MAGI2: variants seen among roughly 807,000 people sequenced by gnomAD.
MAGI2 encodes membrane-associated guanylate kinase, WW and PDZ domain-containing protein 2.
A neutral mutation model predicts 133.3 loss-of-function variants in MAGI2; 35 were observed. The observed-to-expected ratio is 0.26, with a 90% CI of 0.20 to 0.35. The LOEUF is 0.35. Ranked by LOEUF, MAGI2 falls within the 10% of genes least tolerant of loss-of-function variation. The probability of loss-of-function intolerance (pLI) is 1.00; values close to 1 mark genes in which losing one functional copy is unlikely to be tolerated. For synonymous variants in MAGI2, 729 were observed against 710.6 expected (o/e 1.03, Z -0.41); for missense variants, 1,636 against 1,863.4 (o/e 0.88, Z 2.25).
intron 1 of MAGI2, among the ~76,000 whole-genome samples, chr7:79,085,780 G>A (rs374083547): frequency 3.3e-5 from 5 of 151,710 alleles, no homozygotes; most frequent in Middle Eastern, 3.2e-3. Flanking sequence ...CCTAATTGTC[G>A]GCCAATGCTT....
rs146055351 is a variant in MAGI2, at chr7:79,431,441, A to G, written c.301+21579T>C. ...AAAATAATATTTGTTCTAAAAATTC[A>G]AAAAGCACAGAAACATTGTTAGGGG... On this transcript the variant is annotated intron_variant, in intron 1 of 21. Transcript: ENST00000354212. Among the ~76,000 whole-genome samples, 481 of 152,318 alleles carry G rather than the reference A, an allele frequency of 3.2e-3. 4 individuals carry two copies. The highest frequency in any genetic ancestry group is 0.01 in the African/African-American group (431 of 41,588).
intron 3 of MAGI2, among the ~76,000 whole-genome samples, chr7:78,536,010 C>T (rs890901848): frequency 1.3e-5 from 2 of 149,560 alleles, no homozygotes; most frequent in African/African-American, 4.9e-5. Flanking sequence ...CCAAATTATT[C>T]TTAAAAACCC....
intron 6 of MAGI2, among the ~76,000 whole-genome samples, chr7:78,401,505 C>G (rs1215682458): frequency 6.6e-6 from 1 of 152,068 alleles, no homozygotes; most frequent in African/African-American, 2.4e-5. Context: ...AACTCTTGTG[C>G]CCTGTTAGTG....
intron 2 of MAGI2, among the ~76,000 whole-genome samples, chr7:78,762,699 C>T (rs1563471273): frequency 6.6e-6 from 1 of 152,120 alleles, no homozygotes; most frequent in African/African-American, 2.4e-5. Flanking sequence ...GTGAGAGAAA[C>T]AGAATTGTAA....
chr7:79,030,677 C>A (rs536767646), intron 1 of MAGI2, among the ~76,000 whole-genome samples: 2 of 152,110 alleles, frequency 1.3e-5, no homozygotes, highest in Non-Finnish European at 2.9e-5. Flanking sequence ...ATGGGAGTGG[C>A]ATTATCATGG....
At chr7:78,187,342 G>A (rs964885520) in intron 12 of MAGI2, among the ~76,000 whole-genome samples, 11 of 152,010 alleles carry the variant, frequency 7.2e-5, no homozygotes, top group Middle Eastern at 3.4e-3. Flanking sequence ...AATCATATGC[G>A]ATTATTCCTT....
Position 79,178,763 on chromosome 7 carries a change from G to A in MAGI2, c.302-171557C>T, listed in dbSNP as rs115139927. Among the ~76,000 whole-genome samples, 1,151 of 151,754 alleles carry A rather than the reference G, an allele frequency of 7.6e-3. 28 individuals carry two copies. Among genetic ancestry groups the A allele is most frequent in the African/African-American group, 0.026 (1,086 of 41,304 alleles). On this transcript the variant is annotated intron_variant, in intron 1 of 21. Coordinates refer to ENST00000354212, the MANE Select transcript of MAGI2 (RefSeq NM_012301.4). ...AAGGAGTTTCAGTATTATGTAAAGG[G>A]CATCAAATTAATTTTTTTTGTTAAA...
intron 3 of MAGI2, among the ~76,000 whole-genome samples, chr7:78,534,414 TC>T (rs1172245523): frequency 1.3e-5 from 2 of 152,246 alleles, no homozygotes; most frequent in South Asian, 4.1e-4. Flanking sequence ...TAAGTAATTT[TC>T]TAAAAGCCAA....
At chr7:79,446,079 C>T (rs949457754) in intron 1 of MAGI2, among the ~76,000 whole-genome samples, 1 of 152,164 alleles carries the variant, frequency 6.6e-6, no homozygotes, top group Non-Finnish European at 1.5e-5. Context: ...AAATACCAAA[C>T]ACCGCATGTT....
At chr7:78,114,634 T>A (rs1220082946) in intron 20 of MAGI2, among the ~76,000 whole-genome samples, 1 of 152,200 alleles carries the variant, frequency 6.6e-6, no homozygotes, top group African/African-American at 2.4e-5. Flanking sequence ...TCTGCAGTGC[T>A]GAGGTGACAG....
At chr7:78,894,378 ACT>A (rs1235307497) in intron 2 of MAGI2, among the ~76,000 whole-genome samples, 5 of 152,114 alleles carry the variant, frequency 3.3e-5, no homozygotes, top group African/African-American at 1.2e-4. Context: ...ACAAAGCCAG[ACT>A]CTGTCTCAAA....
At chr7:79,186,971 A>G (rs1284641442) in intron 1 of MAGI2, among the ~76,000 whole-genome samples, 1 of 151,172 alleles carries the variant, frequency 6.6e-6, no homozygotes, top group African/African-American at 2.4e-5. Flanking sequence ...GCTTTAAGGA[A>G]GCAGTAATTT....
chr7:78,360,825 A>T (rs933740434), intron 7 of MAGI2, among the ~76,000 whole-genome samples: 2 of 152,184 alleles, frequency 1.3e-5, no homozygotes, highest in African/African-American at 2.4e-5. Flanking sequence ...CGCCTTCACA[A>T]GGCCATTCTC....
chr7:79,245,032 A>G (rs1027846663), intron 1 of MAGI2, among the ~76,000 whole-genome samples: 17 of 152,174 alleles, frequency 1.1e-4, no homozygotes, highest in Non-Finnish European at 1.5e-5. Flanking sequence ...GCCAGAAGGG[A>G]ACCCACTTCC....
At chr7:79,395,832 T>C (rs145243739) in intron 1 of MAGI2, among the ~76,000 whole-genome samples, 1 of 152,270 alleles carries the variant, frequency 6.6e-6, no homozygotes, top group South Asian at 2.1e-4. Flanking sequence ...TACTCTAGAA[T>C]AGCTATGCAG....
At chr7:79,158,633 AAT>A (rs1485853836) in intron 1 of MAGI2, among the ~76,000 whole-genome samples, 3 of 152,104 alleles carry the variant, frequency 2.0e-5, no homozygotes, top group African/African-American at 7.2e-5. Context: ...GCTTAATGAA[AAT>A]AGTCAAATCC....
intron 2 of MAGI2, among the ~76,000 whole-genome samples, chr7:78,956,646 C>G (rs190360238): frequency 3.3e-5 from 5 of 152,250 alleles, no homozygotes; most frequent in Admixed American, 1.3e-4. Context: ...ACTTCTGTGT[C>G]ACACATGGAG....
At chr7:78,940,131 T>C (rs1240055273) in intron 2 of MAGI2, among the ~76,000 whole-genome samples, 3 of 152,178 alleles carry the variant, frequency 2.0e-5, no homozygotes, top group Non-Finnish European at 4.4e-5. Flanking sequence ...AGATAAAACA[T>C]TGTATTATAA....
chr7:79,012,840 C>G (rs1382230910), intron 1 of MAGI2, among the ~76,000 whole-genome samples: 2 of 152,092 alleles, frequency 1.3e-5, no homozygotes, highest in African/African-American at 4.8e-5. Flanking sequence ...ATTAAACCAA[C>G]AGATCCGGTG....
Sources: gnomAD v4.1 joint callset for allele counts (sites outside exome capture counted in the v4.1 genomes callset) on GRCh38, gnomAD v4.1.1 for gene constraint, MANE v1.5 for transcripts, NCBI Gene and HGNC (gene_info 2026-07-23, HGNC 2026-07-21) for gene names.